PDE3A: variants seen among roughly 807,000 people sequenced by gnomAD.
The protein encoded by PDE3A is cGMP-inhibited 3',5'-cyclic phosphodiesterase 3A.
In PDE3A, 43 loss-of-function variants were observed where a neutral mutation model predicts 98.3. The ratio of observed to expected loss-of-function variants is 0.44; its 90% CI spans 0.34 to 0.56. The LOEUF is 0.56. Ranked by LOEUF, PDE3A falls within the 20% of genes least tolerant of loss-of-function variation. The probability of loss-of-function intolerance (pLI) is 0.01; values close to 1 mark genes in which losing one functional copy is unlikely to be tolerated. For synonymous variants in PDE3A, 663 were observed against 567.9 expected, an observed-to-expected ratio of 1.17 and a Z score of -2.38; for missense variants, 1,427 against 1,440.7, an observed-to-expected ratio of 0.99 and a Z score of 0.15.
At position 20,685,619 on chromosome 12, in the gene PDE3A, A is replaced by T. The variant is rs1165203798; in HGVS notation, c.*5348A>T. On this transcript the variant is annotated 3_prime_UTR_variant, in exon 16 of 16. Transcript: ENST00000359062. ...AAAATTAGCTTTTGACATATGTTTA[A>T]GTCTCTAAAAGGAATCCACATTTTC... 1.3e-5 allele frequency among the ~76,000 whole-genome samples: 2 copies of T among 152,104 alleles called. No individual in the cohort carries two copies. Among genetic ancestry groups the T allele is most frequent in the African/African-American group, 4.8e-5 (2 of 41,438 alleles).
intron 4 of PDE3A, among the ~76,000 whole-genome samples, chr12:20,617,812 C>CCTAT (rs1205355147): frequency 3.3e-5 from 5 of 151,992 alleles, no homozygotes; most frequent in Admixed American, 2.6e-4. Flanking sequence ...GTAGTCAAAT[C>CCTAT]CTATCTCCCC....
chr12:20,541,645 A>C (rs1941914258), intron 1 of PDE3A, among the ~76,000 whole-genome samples: 1 of 151,918 alleles, frequency 6.6e-6, no homozygotes, highest in African/African-American at 2.4e-5. Context: ...CACATCATCT[A>C]TTCCACTTTA....
At chr12:20,545,044 C>T (rs1320837082) in intron 1 of PDE3A, among the ~76,000 whole-genome samples, 1 of 151,936 alleles carries the variant, frequency 6.6e-6, no homozygotes, top group Non-Finnish European at 1.5e-5. Flanking sequence ...TCATAAAATA[C>T]CTCACAGGAA....
intron 2 of PDE3A, 188 bp downstream of exon 2, chr12:20,556,898 T>G (rs1335741772): frequency 1.6e-6 from 1 of 639,246 alleles, no homozygotes; most frequent in East Asian, 2.8e-5. Context: ...TGCCAGGATA[T>G]TCCTTCTAAG....
intron 1 of PDE3A, among the ~76,000 whole-genome samples, chr12:20,466,149 A>T (rs1227507840): frequency 6.6e-6 from 1 of 152,144 alleles, no homozygotes; most frequent in Non-Finnish European, 1.5e-5. Context: ...TGTCCAGTAC[A>T]CTGAACCGTG....
At chr12:20,636,605 T>C (rs1163899539) in intron 8 of PDE3A, among the ~76,000 whole-genome samples, 1 of 152,162 alleles carries the variant, frequency 6.6e-6, no homozygotes, top group East Asian at 1.9e-4. Context: ...AAAGCATTAA[T>C]ATAAACTTAA....
intron 1 of PDE3A, among the ~76,000 whole-genome samples, chr12:20,480,587 G>A (rs778358884): frequency 6.6e-6 from 1 of 152,116 alleles, no homozygotes; most frequent in Non-Finnish European, 1.5e-5. Flanking sequence ...TTATTTGCAA[G>A]TCTATTAGGA....
At chr12:20,629,421 T>G (rs181825680) in intron 5 of PDE3A, among the ~76,000 whole-genome samples, 65 of 152,340 alleles carry the variant, frequency 4.3e-4, no homozygotes, top group Admixed American at 3.9e-3. Context: ...TTCCTCTCAG[T>G]AATGCATCTT....
At chr12:20,615,912 C>T (rs562791497) in intron 3 of PDE3A, among the ~76,000 whole-genome samples, 17 of 152,046 alleles carry the variant, frequency 1.1e-4, no homozygotes, top group East Asian at 1.9e-4. Flanking sequence ...TTTTGGTAGA[C>T]GGGGTTTCAC....
chr12:20,609,515 A>C (rs1207644991), intron 2 of PDE3A, among the ~76,000 whole-genome samples: 1 of 152,040 alleles, frequency 6.6e-6, no homozygotes, highest in African/African-American at 2.4e-5. Flanking sequence ...AACTATCAAC[A>C]TCGCAATGGT....
chr12:20,419,738 A>ATTTTTTTTT (rs34873079), intron 1 of PDE3A, among the ~76,000 whole-genome samples: 1 of 132,676 alleles, frequency 7.5e-6, no homozygotes. Context: ...TTAATATTGT[A>ATTTTTTTTT]TTTTTTTTTT....
chr12:20,522,336 C>A (rs990817681), intron 1 of PDE3A, among the ~76,000 whole-genome samples: 2 of 152,170 alleles, frequency 1.3e-5, no homozygotes, highest in African/African-American at 4.8e-5. Flanking sequence ...AATGCAAATT[C>A]TCAAGTCCCC....
Position 20,369,322 on chromosome 12 carries a change from A to G in PDE3A, c.38A>G (p.Lys13Arg), listed in dbSNP as rs931505737. ...VPGDAARVRD[K>R]PVHSGVSQAP... ...GGCGACGCTGCACGAGTCAGGGACA[A>G]GCCCGTCCACAGTGGGGTGAGTCAA... Residue 13 changes from lysine to arginine, a missense_variant, in exon 1 of 16, where the codon AAG (lysine) becomes AGG (arginine). Physicochemically the swap from Lys to Arg is conservative, Grantham distance 26. This residue lies in a region of PDE3A where 1,012 missense variants were observed against 886.5 expected (regional missense o/e 1.14). Transcript: ENST00000359062. 2 of 1,546,142 alleles carry G rather than the reference A, an allele frequency of 1.3e-6. No individual in the cohort carries two copies. The highest frequency in any genetic ancestry group is 1.7e-6 in the Non-Finnish European group (2 of 1,144,990).
intron 1 of PDE3A, among the ~76,000 whole-genome samples, chr12:20,447,707 G>GGGTAAATT (rs1201922921): frequency 5.2e-4 from 79 of 152,138 alleles, no homozygotes; most frequent in Non-Finnish European, 1.2e-4. Context: ...TATAATAAAT[G>GGGTAAATT]GGTAAATAAA....
At chr12:20,591,966 G>A (rs1856469945) in intron 2 of PDE3A, among the ~76,000 whole-genome samples, 1 of 152,102 alleles carries the variant, frequency 6.6e-6, no homozygotes, top group Admixed American at 6.6e-5. Context: ...GATAAGCACT[G>A]GTGATATAAT....
chr12:20,671,826 C>T (rs1301314263), intron 15 of PDE3A, among the ~76,000 whole-genome samples: 2 of 146,646 alleles, frequency 1.4e-5, no homozygotes, highest in Non-Finnish European at 3.0e-5. Context: ...TCCTATTCAA[C>T]ATAGTGTTGG....
chr12:20,544,674 C>T (rs939262941), intron 1 of PDE3A, among the ~76,000 whole-genome samples: 1 of 151,794 alleles, frequency 6.6e-6, no homozygotes, highest in African/African-American at 2.4e-5. Flanking sequence ...ACCAGCCAAC[C>T]TATATTTTAA....
intron 1 of PDE3A, among the ~76,000 whole-genome samples, chr12:20,541,897 T>G (rs1941922215): frequency 6.6e-6 from 1 of 152,114 alleles, no homozygotes; most frequent in African/African-American, 2.4e-5. Context: ...ATAAATTACT[T>G]TCTTCAGCAT....
At chr12:20,585,629 CT>C (rs1484061318) in intron 2 of PDE3A, among the ~76,000 whole-genome samples, 2 of 118,196 alleles carry the variant, frequency 1.7e-5, no homozygotes, top group African/African-American at 6.1e-5. Context: ...ACTTATCAAG[CT>C]TTTGTTCATT....
Sources: allele counts gnomAD v4.1 joint callset (sites outside exome capture counted in the v4.1 genomes callset), GRCh38; gene constraint gnomAD v4.1.1; regional missense constraint gnomAD v4.1.1; transcripts MANE v1.5; gene names NCBI Gene and HGNC (gene_info 2026-07-23, HGNC 2026-07-21).